The following CSMD1 variants were observed in gnomAD, a reference collection of about 807,000 sequenced individuals.
CSMD1 encodes the protein CUB and Sushi multiple domains 1.
CSMD1 carries 213 observed loss-of-function variants against 417.5 expected under a neutral mutation model. The ratio of observed to expected loss-of-function variants is 0.51; its 90% confidence interval spans 0.46 to 0.57. The LOEUF is 0.57. CSMD1 is among the 20% of genes least tolerant of loss of function. CSMD1 has a pLI of 0.00. For missense variants in CSMD1, 6,923 were observed against 4,529.7 expected, an observed-to-expected ratio of 1.53 and a Z score of -15.17; for synonymous variants, 2,862 against 1,736.8, an observed-to-expected ratio of 1.65 and a Z score of -16.11.
At chr8:2,966,514 C>A in intron 58 of CSMD1, 56 bp downstream of exon 58, 5 of 1,502,196 alleles carry the variant, frequency 3.3e-6, no homozygotes, top group Non-Finnish European at 4.5e-6. Context: ...TTTTTTTTCC[C>A]AATGGAGTGA....
At chr8:4,257,236 T>C (rs1803525564) in intron 3 of CSMD1, among the ~76,000 whole-genome samples, 1 of 152,186 alleles carries the variant, frequency 6.6e-6, no homozygotes, top group Non-Finnish European at 1.5e-5. Context: ...AATACTATTC[T>C]GCCATGTATT....
chr8:4,934,694 T>C (rs1439813990), intron 1 of CSMD1, among the ~76,000 whole-genome samples: 1 of 152,170 alleles, frequency 6.6e-6, no homozygotes, highest in African/African-American at 2.4e-5. Flanking sequence ...CTACTTATAA[T>C]CTATAATCTA....
intron 33 of CSMD1, among the ~76,000 whole-genome samples, chr8:3,198,286 A>G (rs1461402059): frequency 6.6e-6 from 1 of 152,214 alleles, no homozygotes; most frequent in Admixed American, 6.5e-5. Flanking sequence ...CAGTCACTTT[A>G]GTGTTTCCAG....
At chr8:2,979,870 AATTTTTAAGGCATGTACATGC>A (rs1459097898) in intron 54 of CSMD1, among the ~76,000 whole-genome samples, 1 of 152,190 alleles carries the variant, frequency 6.6e-6, no homozygotes, top group East Asian at 1.9e-4. Flanking sequence ...TCGGGCAAAT[AATTTTTAAGGCATGTACATGC>A]CCCTACAGGG....
At chr8:3,382,868 C>G (rs1037919403) in intron 18 of CSMD1, among the ~76,000 whole-genome samples, 1 of 151,970 alleles carries the variant, frequency 6.6e-6, no homozygotes, top group African/African-American at 2.4e-5. Flanking sequence ...TTTTCATTTA[C>G]TGTTTCTGGA....
intron 1 of CSMD1, among the ~76,000 whole-genome samples, chr8:4,991,805 C>A (rs1277197456): frequency 6.6e-6 from 1 of 152,232 alleles, no homozygotes; most frequent in African/African-American, 2.4e-5. Context: ...TCACCAGCCC[C>A]CTTCCTGCCT....
intron 2 of CSMD1, among the ~76,000 whole-genome samples, chr8:4,495,112 A>G (rs183886270): frequency 1.6e-3 from 250 of 152,286 alleles, no homozygotes; most frequent in African/African-American, 5.6e-3. Flanking sequence ...TCTAAAACAC[A>G]TGGACAACAG....
At chr8:3,815,996 C>G (rs1340701653) in intron 5 of CSMD1, among the ~76,000 whole-genome samples, 2 of 152,172 alleles carry the variant, frequency 1.3e-5, no homozygotes, top group African/African-American at 4.8e-5. Flanking sequence ...ATTACAACAT[C>G]AAACTTAAAA....
intron 3 of CSMD1, among the ~76,000 whole-genome samples, chr8:4,248,643 A>G (rs913703292): frequency 4.6e-5 from 7 of 152,102 alleles, no homozygotes; most frequent in African/African-American, 1.7e-4. Context: ...TTCATTTTAC[A>G]CCATTAAGGA....
intron 1 of CSMD1, among the ~76,000 whole-genome samples, chr8:4,887,593 A>C (rs1019101896): frequency 1.3e-5 from 2 of 151,718 alleles, no homozygotes; most frequent in African/African-American, 4.8e-5. Context: ...ATTTTAATCT[A>C]TTTCTGCTTT....
intron 2 of CSMD1, among the ~76,000 whole-genome samples, chr8:4,452,035 C>T (rs975609559): frequency 2.6e-5 from 4 of 151,504 alleles, no homozygotes; most frequent in African/African-American, 4.8e-5. Context: ...TGCCTTCTCA[C>T]CAGAGGGGTG....
intron 2 of CSMD1, among the ~76,000 whole-genome samples, chr8:4,441,023 G>A (rs911850663): frequency 7.3e-6 from 1 of 136,636 alleles, no homozygotes; most frequent in Non-Finnish European, 1.5e-5. Context: ...AAATATTAAT[G>A]AAAATATATA....
intron 12 of CSMD1, among the ~76,000 whole-genome samples, chr8:3,410,013 G>A (rs1037115379): frequency 1.1e-4 from 17 of 152,248 alleles, no homozygotes; most frequent in African/African-American, 3.6e-4. Context: ...TCCCTACTGA[G>A]TATTTAAATA....
chr8:4,225,828 G>T (rs895298915), intron 3 of CSMD1, among the ~76,000 whole-genome samples: 9 of 151,976 alleles, frequency 5.9e-5, no homozygotes, highest in South Asian at 2.1e-4. Flanking sequence ...ATGTAAAGTG[G>T]CACAATATGA....
chr8:4,445,928 T>C (rs1337843328), intron 2 of CSMD1, among the ~76,000 whole-genome samples: 2 of 152,148 alleles, frequency 1.3e-5, no homozygotes, highest in South Asian at 2.1e-4. Context: ...GCCTTTCAGC[T>C]GGTCAGAGAA....
intron 3 of CSMD1, among the ~76,000 whole-genome samples, chr8:4,389,225 A>C (rs1359580355): frequency 1.3e-5 from 2 of 152,178 alleles, no homozygotes; most frequent in Non-Finnish European, 2.9e-5. Context: ...TTCTAGCAAT[A>C]CTTTCTCTCC....
chr8:4,931,492 T>C (rs1807244445), intron 1 of CSMD1, among the ~76,000 whole-genome samples: 1 of 152,178 alleles, frequency 6.6e-6, no homozygotes, highest in Admixed American at 6.5e-5. Flanking sequence ...TGGAAACACA[T>C]GTTATTATGT....
intron 57 of CSMD1, among the ~76,000 whole-genome samples, chr8:2,969,763 A>G (rs1490111179): frequency 6.6e-6 from 1 of 152,188 alleles, no homozygotes; most frequent in East Asian, 1.9e-4. Flanking sequence ...AAGGAACAAA[A>G]TGAAAACCTA....
chr8:3,910,835 T>G (rs1808411416), intron 5 of CSMD1, among the ~76,000 whole-genome samples: 1 of 152,160 alleles, frequency 6.6e-6, no homozygotes, highest in African/African-American at 2.4e-5. Context: ...AGGCCAAATC[T>G]CTATCTTATT....
Sources: gnomAD v4.1 joint callset for allele counts (sites outside exome capture counted in the v4.1 genomes callset) on GRCh38, gnomAD v4.1.1 for gene constraint, MANE v1.5 for transcripts, NCBI Gene and HGNC (gene_info 2026-07-23, HGNC 2026-07-21) for gene names.